BTBD10: variants seen among roughly 807,000 people sequenced by gnomAD.
The protein encoded by BTBD10 is BTB/POZ domain-containing protein 10.
Under a neutral mutation model 53.2 loss-of-function variants are expected in BTBD10, and 21 were observed. The ratio of observed to expected loss-of-function variants is 0.39; its 90% confidence interval spans 0.28 to 0.57. The LOEUF is 0.57. BTBD10 is among the 20% of genes least tolerant of loss of function. The pLI is 0.53. For missense variants in BTBD10, 360 were observed against 594.7 expected (o/e 0.61, Z 4.10); for synonymous variants, 149 against 192.7 (o/e 0.77, Z 1.88).
At chr11:13,405,454 C>T (rs552557196) in intron 7 of BTBD10, 238 of 564,548 alleles carry the variant, frequency 4.2e-4, no homozygotes, top group African/African-American at 3.3e-3. Flanking sequence ...TTGGGCATTG[C>T]GAGCCATGCA....
At chr11:13,398,253 T>C (rs1223200166) in intron 8 of BTBD10, among the ~76,000 whole-genome samples, 2 of 152,288 alleles carry the variant, frequency 1.3e-5, no homozygotes, top group Non-Finnish European at 1.5e-5. Context: ...ATATTTAGGA[T>C]AGTTAGCTCT....
At chr11:13,444,778 C>A (rs978349714) in intron 2 of BTBD10, among the ~76,000 whole-genome samples, 3 of 152,106 alleles carry the variant, frequency 2.0e-5, no homozygotes, top group Admixed American at 1.3e-4. Flanking sequence ...AGCATTTATT[C>A]ATGGGGTCAA....
chr11:13,451,420 G>A (rs1238821637), intron 1 of BTBD10, among the ~76,000 whole-genome samples: 1 of 151,950 alleles, frequency 6.6e-6, no homozygotes, highest in Non-Finnish European at 1.5e-5. Flanking sequence ...CCACAGAGAG[G>A]GTGAATTCCA....
At chr11:13,402,876 C>T (rs1239756344) in intron 8 of BTBD10, among the ~76,000 whole-genome samples, 4 of 152,162 alleles carry the variant, frequency 2.6e-5, no homozygotes, top group African/African-American at 9.6e-5. Flanking sequence ...CATGTCCACA[C>T]ACACCACATG....
chr11:13,443,098 A>G (rs967262676), intron 2 of BTBD10, among the ~76,000 whole-genome samples: 4 of 152,118 alleles, frequency 2.6e-5, no homozygotes, highest in Non-Finnish European at 5.9e-5. Context: ...AAGAGCTCCA[A>G]TTAGCTGAGT....
chr11:13,441,048 T>C (rs1950638932), intron 2 of BTBD10, among the ~76,000 whole-genome samples: 1 of 152,162 alleles, frequency 6.6e-6, no homozygotes, highest in Non-Finnish European at 1.5e-5. Context: ...TGCAACTCTA[T>C]ATATAACTAT....
chr11:13,433,608 C>T (rs929290200), intron 2 of BTBD10, among the ~76,000 whole-genome samples: 1 of 152,138 alleles, frequency 6.6e-6, no homozygotes, highest in Non-Finnish European at 1.5e-5. Context: ...ATTTGGCAAA[C>T]TATGGCTCAT....
At chr11:13,439,988 C>G in intron 2 of BTBD10, 1 of 1,534,696 alleles carries the variant, frequency 6.5e-7, no homozygotes, top group South Asian at 1.2e-5. Flanking sequence ...CACTGAAAGC[C>G]AGGTCAGCAT....
chr11:13,435,852 T>C (rs546184012), intron 2 of BTBD10, among the ~76,000 whole-genome samples: 1 of 152,182 alleles, frequency 6.6e-6, no homozygotes, highest in South Asian at 2.1e-4. Flanking sequence ...CAAATGACCT[T>C]TGAAAACACA....
chr11:13,411,706 G>GT (rs1397218135), intron 6 of BTBD10, among the ~76,000 whole-genome samples: 1 of 151,860 alleles, frequency 6.6e-6, no homozygotes, highest in South Asian at 2.1e-4. Context: ...AAAAATTCTA[G>GT]TTTTTTTCTA....
At chr11:13,404,680 C>A (rs1949780220) in intron 7 of BTBD10, 1 of 833,128 alleles carries the variant, frequency 1.2e-6, no homozygotes, top group Non-Finnish European at 1.4e-6. Flanking sequence ...ACAGAAATGT[C>A]TATTACTACA....
chr11:13,436,319 T>C (rs183838025), intron 2 of BTBD10, among the ~76,000 whole-genome samples: 3 of 152,304 alleles, frequency 2.0e-5, no homozygotes, highest in African/African-American at 7.2e-5. Flanking sequence ...GTTTGCATTG[T>C]AGAATGTTTA....
chr11:13,405,270 A>T (rs1040876678), intron 7 of BTBD10: 1 of 156,016 alleles, frequency 6.4e-6, no homozygotes, highest in African/African-American at 2.4e-5. Flanking sequence ...AAATTTACGT[A>T]AAAAAACTCA....
At chr11:13,419,360 T>C in intron 4 of BTBD10, 100 bp downstream of exon 4, 5 of 1,438,116 alleles carry the variant, frequency 3.5e-6, no homozygotes, top group Non-Finnish European at 4.7e-6. Context: ...AACAGAAATG[T>C]TACATTTCAA....
chr11:13,454,438 C>A (rs1304861128), intron 1 of BTBD10, among the ~76,000 whole-genome samples: 1 of 152,222 alleles, frequency 6.6e-6, no homozygotes, highest in African/African-American at 2.4e-5. Context: ...GAAGCCCTTT[C>A]AATTGTTAAG....
intron 1 of BTBD10, among the ~76,000 whole-genome samples, chr11:13,447,901 C>A (rs965354289): frequency 2.6e-5 from 4 of 151,890 alleles, no homozygotes. Flanking sequence ...ACAAACATAA[C>A]GTGTTTTATG....
intron 2 of BTBD10, chr11:13,439,752 GATCTTT>G (rs1454335165): frequency 3.0e-6 from 2 of 660,286 alleles, no homozygotes; most frequent in Non-Finnish European, 4.6e-6. Flanking sequence ...TCAGACATAT[GATCTTT>G]ATCTTTAGTC....
At chr11:13,457,775 A>G (rs1341005161) in intron 1 of BTBD10, among the ~76,000 whole-genome samples, 4 of 152,180 alleles carry the variant, frequency 2.6e-5, no homozygotes, top group African/African-American at 9.7e-5. Flanking sequence ...TAAGGGGTGT[A>G]TGTAATATTC....
At position 13,413,667 on chromosome 11, in the gene BTBD10, A is replaced by G; in HGVS notation, c.688-17T>C. On this transcript the variant is annotated splice_polypyrimidine_tract_variant and intron_variant, in intron 5 of 8. Coordinates refer to ENST00000278174, the MANE Select transcript of BTBD10 (RefSeq NM_032320.7). ...ATAGTAATCCTGGAAAAAGAAAAGT[A>G]AAGAAAGCATAAAATATCTGGAGCA... 1 of 1,602,126 alleles carries G rather than the reference A, an allele frequency of 6.2e-7. No individual in the cohort carries two copies. The highest frequency in any genetic ancestry group is 1.1e-5 in the South Asian group (1 of 88,494).
Sources: gnomAD v4.1 joint callset for allele counts (sites outside exome capture counted in the v4.1 genomes callset) on GRCh38, gnomAD v4.1.1 for gene constraint, MANE v1.5 for transcripts, NCBI Gene and HGNC (gene_info 2026-07-23, HGNC 2026-07-21) for gene names.